Variants in HOXC13 observed in about 807,000 individuals in gnomAD.
HOXC13 encodes the protein homeobox C13.
A neutral mutation model predicts 25.9 loss-of-function variants in HOXC13; 10 were observed. The observed-to-expected ratio is 0.39, with a 90% CI of 0.24 to 0.65. The LOEUF (loss-of-function observed/expected upper bound fraction) is 0.65, where lower values mean the gene tolerates loss of function less well. Among genes scored for constraint, HOXC13 ranks in the 30% least tolerant of loss-of-function variants. The probability of loss-of-function intolerance (pLI) is 0.50; values close to 1 mark genes in which losing one functional copy is unlikely to be tolerated. For missense variants in HOXC13, 439 were observed against 478.3 expected (o/e 0.92, Z 0.77); for synonymous variants, 233 against 217.1 (o/e 1.07, Z -0.64).
intron 1 of HOXC13, among the ~76,000 whole-genome samples, chr12:53,940,758 A>G (rs1461981115): frequency 2.0e-5 from 3 of 151,934 alleles, no homozygotes; most frequent in Non-Finnish European, 4.4e-5. Flanking sequence ...CCCTTCTGAT[A>G]CCTACAGAGG....
rs375128529 is a variant in HOXC13, at chr12:53,938,960, C to T, written c.54C>T (p.Val18=). The change falls in exon 1 of 2, where the codon GTC becomes GTT. Residue 18 remains valine (V), a synonymous_variant. Coordinates refer to ENST00000243056, the MANE Select transcript of HOXC13 (RefSeq NM_017410.3). Reference sequence around the variant, plus strand: ...GCTGGCCGGAGAGCCTTATGTACGTCTATGAGGACAGCGCGGCGGAGAGCG... The same window carrying T: ...GCTGGCCGGAGAGCCTTATGTACGTTTATGAGGACAGCGCGGCGGAGAGCG... The part of the protein sequence containing the change: ...HPRWPESLMY[V]YEDSAAESGI... 6.5e-7 allele frequency: 1 copy of T among 1,548,272 alleles called. No homozygotes were observed. The highest frequency in any genetic ancestry group is 1.2e-5 in the South Asian group (1 of 85,692).
rs753216397 is a variant in HOXC13 at position 53,939,254 on chromosome 12, C to A, written c.348C>A (p.Ser116Arg). The change falls in exon 1 of 2, where the codon AGC becomes AGA. Residue 116 changes from serine (S) to arginine (R), a missense_variant. Coordinates refer to ENST00000243056, the MANE Select transcript of HOXC13 (RefSeq NM_017410.3). This position sits in a 1 kb window ranked among gnomAD's most constrained non-coding sequence, Gnocchi z 6.7. Reference sequence around the variant, plus strand: ...CGCCCGCACCCCCCACCTCGTCCAGCGCCACCCTGGGCTACGGCTACCCCT... The same window carrying A: ...CGCCCGCACCCCCCACCTCGTCCAGAGCCACCCTGGGCTACGGCTACCCCT... ...APPPAPPTSS[S>R]ATLGYGYPFG... The A allele has an allele frequency of 6.5e-7, 1 of 1,549,114 alleles. No individual in the cohort carries two copies. The highest frequency in any genetic ancestry group is 1.2e-5 in the South Asian group (1 of 83,940).
Position 53,941,775 on chromosome 12 carries a change from T to C in HOXC13, c.736+2133T>C, listed in dbSNP as rs190414625. Among the ~76,000 whole-genome samples the C allele has an allele frequency of 1.4e-3, 220 of 152,316 alleles. 1 individual carries two copies. The highest frequency in any genetic ancestry group is 5.1e-3 in the African/African-American group (211 of 41,570). On this transcript the variant is annotated intron_variant, in intron 1 of 1. Coordinates refer to ENST00000243056, the MANE Select transcript of HOXC13 (RefSeq NM_017410.3). Reference sequence around the variant, plus strand: ...CCACAATCCCCGTGTGGAAATAGAATTGGGCTGATGTATCTCAGTGAGTGC... The same window carrying C: ...CCACAATCCCCGTGTGGAAATAGAACTGGGCTGATGTATCTCAGTGAGTGC...
At position 53,939,230 on chromosome 12, in the gene HOXC13, G is replaced by C. The variant is rs1347437614; in HGVS notation, c.324G>C (p.Pro108=). ...APEAARQCAP[P]PAPPTSSSAT... Reference sequence around the variant, plus strand: ...AGGCGGCGCGCCAGTGTGCCCCGCCGCCCGCACCCCCCACCTCGTCCAGCG... The same window carrying C: ...AGGCGGCGCGCCAGTGTGCCCCGCCCCCCGCACCCCCCACCTCGTCCAGCG... The change falls in exon 1 of 2, where the codon CCG becomes CCC. Residue 108 remains proline, a synonymous_variant. Transcript: ENST00000243056. This position sits in a 1 kb window ranked among gnomAD's most constrained non-coding sequence, Gnocchi z 6.7. 1 of 1,537,148 alleles carries C rather than the reference G, an allele frequency of 6.5e-7. No individual in the cohort carries two copies. Among genetic ancestry groups the C allele is most frequent in the South Asian group, 1.2e-5 (1 of 83,076 alleles).
Position 53,945,247 on chromosome 12 carries a change from C to G in HOXC13, c.984C>G (p.His328Gln). The G allele has an allele frequency of 6.2e-7, 1 of 1,614,086 alleles. No homozygotes were observed. The highest frequency in any genetic ancestry group is 8.5e-7 in the Non-Finnish European group (1 of 1,179,946). ...GCAAATCGAAAGCGCCTCATCTCCA[C>G]TCCACCTGACCACCCACCCGCTGCT... The part of the protein sequence containing the change: ...VVSKSKAPHL[H>Q]ST Residue 328 changes from histidine to glutamine, a missense_variant, in exon 2 of 2, where the codon CAC becomes CAG. His to Gln is a conservative substitution (Grantham distance 24). Coordinates refer to ENST00000243056, the MANE Select transcript of HOXC13 (RefSeq NM_017410.3). This position sits in a 1 kb window ranked among gnomAD's most constrained non-coding sequence, Gnocchi z 4.4.
In HOXC13 at chr12:53,945,280, T is replaced by A. The variant is rs375338990; in HGVS notation, c.*24T>A. 128 of 1,612,428 alleles carry A rather than the reference T, an allele frequency of 7.9e-5. No individual in the cohort carries two copies. In the African/African-American group the frequency reaches 1.4e-3, roughly 17 times the overall value. On this transcript the variant is annotated 3_prime_UTR_variant, in exon 2 of 2. Transcript: ENST00000243056. This position sits in a 1 kb window ranked among gnomAD's most constrained non-coding sequence, Gnocchi z 4.4. ...GACCACCCACCCGCTGCTTGCCCCA[T>A]CTATTTATGTCTCCGCTTTGTACCA...
At position 53,939,232 on chromosome 12, in the gene HOXC13, C is replaced by T; in HGVS notation, c.326C>T (p.Pro109Leu). ...GCGGCGCGCCAGTGTGCCCCGCCGC[C>T]CGCACCCCCCACCTCGTCCAGCGCC... is the stretch of plus-strand genomic sequence containing the variant. ...PEAARQCAPP[P>L]APPTSSSATL... The change falls in exon 1 of 2, where the codon CCC (proline) becomes CTC (leucine). Residue 109 changes from proline to leucine, a missense_variant. Pro to Leu is a moderately conservative substitution (Grantham distance 98). Coordinates refer to ENST00000243056, the MANE Select transcript of HOXC13 (RefSeq NM_017410.3). This position sits in a 1 kb window ranked among gnomAD's most constrained non-coding sequence, Gnocchi z 6.7. 1 of 1,539,558 alleles carries T rather than the reference C, an allele frequency of 6.5e-7. No homozygotes were observed. Among genetic ancestry groups the T allele is most frequent in the Non-Finnish European group, 8.7e-7 (1 of 1,144,714 alleles).
In HOXC13 at chr12:53,944,918, T is replaced by C. The variant is rs956352607; in HGVS notation, c.737-82T>C. On this transcript the variant is annotated intron_variant, in intron 1 of 1. Coordinates refer to ENST00000243056, the MANE Select transcript of HOXC13 (RefSeq NM_017410.3). ...GGCCCCGTTGAGCCCCTGCCAGAAC[T>C]CTGTGCCTAGGCAGCCTCGGGTCCT... 4 of 1,576,288 alleles carry C rather than the reference T, an allele frequency of 2.5e-6. No individual in the cohort carries two copies. In the African/African-American group the frequency reaches 4.1e-5, roughly 16 times the overall value.
Position 53,939,712 on chromosome 12 carries a change from G to T in HOXC13, c.736+70G>T. The T allele has an allele frequency of 7.8e-7, 1 of 1,274,194 alleles. No individual in the cohort carries two copies. The allele number at this position is 1,274,194 out of a possible 1,614,324, so 78.9% of individuals were successfully genotyped here. ...CGCCCTGCCTGCCCCGGGGCTCCGC[G>T]CCCCAACCACCCCCGCCGTCTGGCC... is the stretch of plus-strand genomic sequence containing the variant. On this transcript the variant is annotated intron_variant, in intron 1 of 1. Coordinates refer to ENST00000243056, the MANE Select transcript of HOXC13 (RefSeq NM_017410.3). The surrounding 1 kb of genome is among the most constrained non-coding windows in gnomAD (Gnocchi z 6.7).
At position 53,939,109 on chromosome 12, in the gene HOXC13, A is replaced by G. The variant is rs1049289125; in HGVS notation, c.203A>G (p.His68Arg). Residue 68 changes from histidine (H) to arginine (R), a missense_variant, in exon 1 of 2, where the codon CAC becomes CGC. Physicochemically the swap from His to Arg is conservative, Grantham distance 29. Coordinates refer to ENST00000243056, the MANE Select transcript of HOXC13 (RefSeq NM_017410.3). The surrounding 1 kb of genome is among the most constrained non-coding windows in gnomAD (Gnocchi z 6.7). Reference sequence around the variant, plus strand: ...CTGGGCAGCAGCTGCCCGGCCAGCCACTGCCGCGACCTGCTTCCGCACCCC... The same window carrying G: ...CTGGGCAGCAGCTGCCCGGCCAGCCGCTGCCGCGACCTGCTTCCGCACCCC... ...DGLGSSCPAS[H>R]CRDLLPHPVL... The G allele has an allele frequency of 9.0e-6, 13 of 1,444,830 alleles. 1 individual carries two copies. In the Admixed American group the frequency reaches 3.7e-4, roughly 42 times the overall value. The allele number at this position is 1,444,830 out of a possible 1,614,324, so 89.5% of individuals were successfully genotyped here.
At chr12:53,941,927 G>C (rs1938616406) in intron 1 of HOXC13, among the ~76,000 whole-genome samples, 1 of 152,198 alleles carries the variant, frequency 6.6e-6, no homozygotes, top group African/African-American at 2.4e-5. Flanking sequence ...ATTGTGGTTT[G>C]TTCGGCAACA....
chr12:53,945,001 CGTGGTTCCCCTGCAGCCCGAG>C lies in HOXC13; in HGVS notation c.742_762del (p.Val248_Val254del). On this transcript the variant is annotated inframe_deletion and splice_region_variant, in exon 2 of 2. Coordinates refer to ENST00000243056, the MANE Select transcript of HOXC13 (RefSeq NM_017410.3). This position sits in a 1 kb window ranked among gnomAD's most constrained non-coding sequence, Gnocchi z 4.4. ...CCCGCTTGCCTTATCTCCCCGCAGA[CGTGGTTCCCCTGCAGCCCGAG>C]GTGAGCAGCTACCGGCGCGGGCGCA... 4.3e-6 allele frequency: 7 copies of C among 1,613,516 alleles called. No homozygotes were observed. Among genetic ancestry groups the C allele is most frequent in the Non-Finnish European group, 5.9e-6 (7 of 1,179,886 alleles).
At position 53,945,374 on chromosome 12, in the gene HOXC13, C is replaced by A. The variant is rs559784636; in HGVS notation, c.*118C>A. On this transcript the variant is annotated 3_prime_UTR_variant, in exon 2 of 2. Coordinates refer to ENST00000243056, the MANE Select transcript of HOXC13 (RefSeq NM_017410.3). This position sits in a 1 kb window ranked among gnomAD's most constrained non-coding sequence, Gnocchi z 4.4. ...TTTAATGTTAAGGAAAGAGAAGAAC[C>A]GCGCCGCCCGGAGGCAGAGAGGCTC... is the stretch of plus-strand genomic sequence containing the variant. 4.0e-6 allele frequency: 5 copies of A among 1,262,790 alleles called. No homozygotes were observed. The African/African-American group carries it at 5.9e-5, about 15-fold the overall frequency. 78.2% of individuals were successfully genotyped at this position (1,262,790 alleles called of 1,614,324 possible).
At chr12:53,941,645 A>G (rs1408266161) in intron 1 of HOXC13, among the ~76,000 whole-genome samples, 1 of 152,248 alleles carries the variant, frequency 6.6e-6, no homozygotes, top group Non-Finnish European at 1.5e-5. Context: ...AGAGAAAAAT[A>G]TCTTTGAAAT....
At chr12:53,941,624 C>T (rs558225518) in intron 1 of HOXC13, among the ~76,000 whole-genome samples, 36 of 152,264 alleles carry the variant, frequency 2.4e-4, no homozygotes, top group Non-Finnish European at 5.0e-4. Context: ...CTTTTTTGAT[C>T]ACAGCCTCCT....
At chr12:53,941,105 A>G (rs1938604356) in intron 1 of HOXC13, among the ~76,000 whole-genome samples, 1 of 152,258 alleles carries the variant, frequency 6.6e-6, no homozygotes. Flanking sequence ...CAATTTTAGT[A>G]CATGGTATTA....
intron 1 of HOXC13, among the ~76,000 whole-genome samples, chr12:53,942,458 G>T (rs1181449637): frequency 4.0e-5 from 6 of 151,822 alleles, no homozygotes; most frequent in East Asian, 1.9e-4. Flanking sequence ...GAACAGAGGG[G>T]CCCCGAAGCC....
Position 53,939,618 on chromosome 12 carries a change from C to A in HOXC13, c.712C>A (p.His238Asn). 6.5e-7 allele frequency: 1 copy of A among 1,537,548 alleles called. No homozygotes were observed. The highest frequency in any genetic ancestry group is 8.8e-7 in the Non-Finnish European group (1 of 1,136,954). ...YCSKEQSQSA[H>N]LWKSPFPDVV... ...CTCCAAGGAGCAGTCGCAGTCCGCC[C>A]ACCTCTGGAAGTCTCCCTTCCCAGG... is the stretch of plus-strand genomic sequence containing the variant. Residue 238 changes from histidine (H) to asparagine (N), a missense_variant, in exon 1 of 2, where the codon CAC becomes AAC. By Grantham distance (68) the His-to-Asn change is moderately conservative (BLOSUM62 1). Coordinates refer to ENST00000243056, the MANE Select transcript of HOXC13 (RefSeq NM_017410.3). This position sits in a 1 kb window ranked among gnomAD's most constrained non-coding sequence, Gnocchi z 6.7.
At chr12:53,942,197 A>G (rs1378980136) in intron 1 of HOXC13, among the ~76,000 whole-genome samples, 2 of 122,878 alleles carry the variant, frequency 1.6e-5, no homozygotes, top group Non-Finnish European at 1.6e-5. Context: ...TTTTTGAGAG[A>G]GAGAGAGAAG....
Sources: gnomAD v4.1 joint callset for allele counts (sites outside exome capture counted in the v4.1 genomes callset) on GRCh38, gnomAD v4.1.1 for gene constraint, Gnocchi (gnomAD v3.1) non-coding constraint, MANE v1.5 for transcripts, NCBI Gene and HGNC (gene_info 2026-07-23, HGNC 2026-07-21) for gene names.